CYSLTR2: variants seen among roughly 807,000 people sequenced by gnomAD.
The protein encoded by CYSLTR2 is G-protein coupled receptor GPCR21.
For synonymous variants in CYSLTR2, 179 were observed against 160.8 expected (o/e 1.11, Z -0.86); for missense variants, 398 against 411.9 (o/e 0.97, Z 0.29).
chr13:48,670,101 C>G (rs940396349), intron 1 of CYSLTR2, among the ~76,000 whole-genome samples: 1 of 152,194 alleles, frequency 6.6e-6, no homozygotes, highest in African/African-American at 2.4e-5. Flanking sequence ...TGTTCATATG[C>G]TTTGCCCACT....
rs536445557 is a variant in CYSLTR2, at chr13:48,665,430, T to C, written c.-266+11413T>C. ...GAATTGGCTGCTGAGTCCCCAGATA[T>C]TGTTGTATTGGGATCTATCTCTTCC... On this transcript the variant is annotated intron_variant, in intron 1 of 4. Transcript: ENST00000682523. 4.4e-4 allele frequency among the ~76,000 whole-genome samples: 67 copies of C among 152,254 alleles called. 1 individual carries two copies. The highest frequency in any genetic ancestry group is 1.6e-3 in the African/African-American group (66 of 41,580).
chr13:48,675,362 G>A (rs111550225), intron 1 of CYSLTR2, among the ~76,000 whole-genome samples: 1,881 of 152,226 alleles, frequency 0.012, 39 homozygotes, highest in Non-Finnish European at 0.013. Context: ...ATCTAGACAG[G>A]CAGTCTGGCT....
In CYSLTR2 at chr13:48,707,558, C is replaced by G. The variant is rs1954534870; in HGVS notation, c.741C>G (p.Thr247=). The G allele has an allele frequency of 6.2e-7, 1 of 1,608,364 alleles. No individual in the cohort carries two copies. Among genetic ancestry groups the G allele is most frequent in the Non-Finnish European group, 8.5e-7 (1 of 1,179,994 alleles). The change falls in exon 5 of 5, where the codon ACC becomes ACG. Residue 247 remains threonine, a synonymous_variant. Coordinates refer to ENST00000682523, the MANE Select transcript of CYSLTR2 (RefSeq NM_001308476.3). ...GLRVSHRKAL[T]TIIITLIIFF... The stretch of plus-strand genomic sequence containing the variant: ...GGGTTTCTCACAGGAAGGCACTGAC[C>G]ACCATCATCATCACCTTGATCATCT...
intron 1 of CYSLTR2, among the ~76,000 whole-genome samples, chr13:48,658,267 C>T (rs1339953426): frequency 2.6e-5 from 4 of 152,150 alleles, no homozygotes; most frequent in African/African-American, 9.7e-5. Flanking sequence ...TGACCATTTA[C>T]CCTATATTCC....
chr13:48,655,623 A>G (rs1952980641), intron 1 of CYSLTR2, among the ~76,000 whole-genome samples: 1 of 152,258 alleles, frequency 6.6e-6, no homozygotes, highest in Admixed American at 6.5e-5. Context: ...GACTCAGTGG[A>G]GAACACCTGT....
chr13:48,659,015 G>A (rs1953064968), intron 1 of CYSLTR2, among the ~76,000 whole-genome samples: 1 of 152,126 alleles, frequency 6.6e-6, no homozygotes, highest in Non-Finnish European at 1.5e-5. Context: ...TTGTGCAGGT[G>A]AAAGATGACA....
intron 1 of CYSLTR2, among the ~76,000 whole-genome samples, chr13:48,684,785 G>T (rs1953855020): frequency 6.6e-6 from 1 of 152,128 alleles, no homozygotes; most frequent in African/African-American, 2.4e-5. Context: ...AAGTCATACT[G>T]GATATGGTGG....
In CYSLTR2 at chr13:48,710,349, A is replaced by G. The variant is rs1037429124; in HGVS notation, c.*2491A>G. ...GGTGTGAGATTTCTCCAGTGGATCC[A>G]CAATGTATATGCTACCCACCCATGA... On this transcript the variant is annotated 3_prime_UTR_variant, in exon 5 of 5. Transcript: ENST00000682523. The G allele has an allele frequency of 6.6e-6, 1 of 152,212 alleles. No individual in the cohort carries two copies. Among genetic ancestry groups the G allele is most frequent in the South Asian group, 2.1e-4 (1 of 4,830 alleles). The allele number at this position is 152,212 out of a possible 1,614,324, so 9.4% of individuals were successfully genotyped here. A position where few individuals can be genotyped will look rare whatever the true frequency, so the allele number is the denominator to read the frequency against.
chr13:48,699,145 T>C (rs772791820), intron 4 of CYSLTR2, among the ~76,000 whole-genome samples: 3 of 151,944 alleles, frequency 2.0e-5, no homozygotes, highest in Non-Finnish European at 4.4e-5. Flanking sequence ...TATCCAGGAG[T>C]TGAACTCAGC....
intron 1 of CYSLTR2, among the ~76,000 whole-genome samples, chr13:48,656,771 T>C (rs1408423468): frequency 6.6e-6 from 1 of 152,190 alleles, no homozygotes; most frequent in South Asian, 2.1e-4. Context: ...GCACTCTAGT[T>C]CCCCAAGGGT....
At chr13:48,669,187 T>C (rs7338826) in intron 1 of CYSLTR2, among the ~76,000 whole-genome samples, 17,902 of 152,176 alleles carry the variant, frequency 0.12, 1,591 homozygotes, top group African/African-American at 0.24. Context: ...ATCGCCACAC[T>C]GTCTTCCACA....
At chr13:48,680,691 G>A (rs937745470) in intron 1 of CYSLTR2, among the ~76,000 whole-genome samples, 17 of 151,686 alleles carry the variant, frequency 1.1e-4, no homozygotes, top group South Asian at 4.2e-4. Flanking sequence ...TTGAATTTGC[G>A]TCTTCATATA....
At chr13:48,674,047 C>T (rs960651238) in intron 1 of CYSLTR2, among the ~76,000 whole-genome samples, 1 of 152,124 alleles carries the variant, frequency 6.6e-6, no homozygotes, top group African/African-American at 2.4e-5. Flanking sequence ...GTCTGACTGT[C>T]CTTAACATTT....
chr13:48,693,709 G>T (rs1954094453), intron 3 of CYSLTR2, among the ~76,000 whole-genome samples, 199 bp downstream of exon 3: 1 of 152,000 alleles, frequency 6.6e-6, no homozygotes, highest in East Asian at 1.9e-4. Flanking sequence ...TATAAAAAGA[G>T]TGACATTAAA....
rs1172020522 is a variant in CYSLTR2, at chr13:48,708,226, C to T, written c.*368C>T. ...AACTTCCCCAGCTTCTCCAGCTCCC[C>T]TGTCCTCTTCAATCCCTTGAGATAT... On this transcript the variant is annotated 3_prime_UTR_variant, in exon 5 of 5. Transcript: ENST00000682523. The T allele has an allele frequency of 5.5e-6, 1 of 183,022 alleles. No individual in the cohort carries two copies. Among genetic ancestry groups the T allele is most frequent in the East Asian group, 1.7e-4 (1 of 5,986 alleles). 11.3% of individuals were successfully genotyped at this position (183,022 alleles called of 1,614,324 possible).
chr13:48,701,377 TG>T (rs1954342445), intron 4 of CYSLTR2, among the ~76,000 whole-genome samples: 1 of 152,160 alleles, frequency 6.6e-6, no homozygotes, highest in African/African-American at 2.4e-5. Flanking sequence ...AAACAAGCAA[TG>T]GGGAAAGGAT....
At chr13:48,683,897 C>T (rs1953825493) in intron 1 of CYSLTR2, among the ~76,000 whole-genome samples, 1 of 152,066 alleles carries the variant, frequency 6.6e-6, no homozygotes, top group Non-Finnish European at 1.5e-5. Context: ...TTGCATTCTT[C>T]CAGTTCATAA....
At chr13:48,699,882 T>C (rs1173426316) in intron 4 of CYSLTR2, among the ~76,000 whole-genome samples, 1 of 152,182 alleles carries the variant, frequency 6.6e-6, no homozygotes, top group Non-Finnish European at 1.5e-5. Context: ...CAGAGAATAC[T>C]ATACACACCT....
chr13:48,659,768 C>A (rs1180048796), intron 1 of CYSLTR2, among the ~76,000 whole-genome samples: 18 of 152,220 alleles, frequency 1.2e-4, no homozygotes. Flanking sequence ...TTCTGTGATT[C>A]TGTGGTCTTC....
Sources: allele counts gnomAD v4.1 joint callset (sites outside exome capture counted in the v4.1 genomes callset), GRCh38; gene constraint gnomAD v4.1.1; transcripts MANE v1.5; gene names NCBI Gene and HGNC (gene_info 2026-07-23, HGNC 2026-07-21).